LRRTM4: variants seen among roughly 807,000 people sequenced by gnomAD.
LRRTM4 encodes leucine-rich repeat transmembrane neuronal protein 4.
In LRRTM4, 25 loss-of-function variants were observed where a neutral mutation model predicts 47.6. That is an observed-to-expected ratio of 0.53 (90% CI 0.38 to 0.73). LRRTM4 has a LOEUF of 0.73. LRRTM4 is among the 30% of genes least tolerant of loss of function. LRRTM4 has a pLI of 0.00. For synonymous variants in LRRTM4, 311 were observed against 269.5 expected (o/e 1.15, Z -1.51); for missense variants, 638 against 713.4 (o/e 0.89, Z 1.20).
At chr2:77,203,881 G>A (rs1170979336) in intron 3 of LRRTM4, among the ~76,000 whole-genome samples, 2 of 152,312 alleles carry the variant, frequency 1.3e-5, no homozygotes, top group East Asian at 3.9e-4. Context: ...ACTCAAGGCA[G>A]TGTTGTGGAT....
chr2:77,503,465 T>C (rs1678649756), intron 3 of LRRTM4, among the ~76,000 whole-genome samples: 2 of 151,714 alleles, frequency 1.3e-5, no homozygotes, highest in South Asian at 4.1e-4. Flanking sequence ...GACTTTAAGA[T>C]GTCTCAGATA....
intron 3 of LRRTM4, among the ~76,000 whole-genome samples, chr2:77,036,323 T>A (rs879528650): frequency 2.0e-5 from 3 of 151,776 alleles, no homozygotes; most frequent in Non-Finnish European, 4.4e-5. Context: ...ATTTTACAAT[T>A]TCATGGACTA....
At chr2:77,168,282 C>A (rs904550656) in intron 3 of LRRTM4, among the ~76,000 whole-genome samples, 1 of 151,900 alleles carries the variant, frequency 6.6e-6, no homozygotes, top group East Asian at 1.9e-4. Context: ...ATTTTTCTAA[C>A]ATATTTTAGA....
intron 3 of LRRTM4, among the ~76,000 whole-genome samples, chr2:76,754,148 A>G (rs775413994): frequency 3.3e-5 from 5 of 152,320 alleles, no homozygotes; most frequent in South Asian, 4.1e-4. Flanking sequence ...AAAGAATTCA[A>G]TGCAGTTGAA....
chr2:76,968,127 TGCAA>T (rs955942757), intron 3 of LRRTM4, among the ~76,000 whole-genome samples: 1 of 151,208 alleles, frequency 6.6e-6, no homozygotes, highest in African/African-American at 2.4e-5. Context: ...TTGATGCATA[TGCAA>T]GCATTCACTT....
intron 3 of LRRTM4, among the ~76,000 whole-genome samples, chr2:77,115,974 T>G (rs1418265009): frequency 6.6e-6 from 1 of 152,172 alleles, no homozygotes; most frequent in Non-Finnish European, 1.5e-5. Flanking sequence ...TCCTGAACCT[T>G]GTCTGCTTGG....
At chr2:77,008,113 A>G (rs1558794200) in intron 3 of LRRTM4, among the ~76,000 whole-genome samples, 1 of 152,210 alleles carries the variant, frequency 6.6e-6, no homozygotes, top group Non-Finnish European at 1.5e-5. Context: ...GGCCAGAGGC[A>G]TCAATGAAAG....
chr2:76,905,920 C>T (rs1186839834), intron 3 of LRRTM4, among the ~76,000 whole-genome samples: 1 of 152,156 alleles, frequency 6.6e-6, no homozygotes, highest in African/African-American at 2.4e-5. Flanking sequence ...GGAAAACACT[C>T]TGCAGGATAT....
chr2:77,303,273 A>G (rs553387497), intron 3 of LRRTM4, among the ~76,000 whole-genome samples: 5 of 147,198 alleles, frequency 3.4e-5, no homozygotes, highest in Admixed American at 6.7e-5. Flanking sequence ...AAACAAACAA[A>G]CAAACAAAAA....
chr2:76,844,058 A>G (rs2103944421), intron 3 of LRRTM4, among the ~76,000 whole-genome samples: 1 of 148,818 alleles, frequency 6.7e-6, no homozygotes, highest in African/African-American at 2.5e-5. Flanking sequence ...CCCACCAGCA[A>G]GCCCGGCTAA....
intron 3 of LRRTM4, among the ~76,000 whole-genome samples, chr2:77,336,552 G>T (rs1671175772): frequency 6.6e-6 from 1 of 152,050 alleles, no homozygotes; most frequent in South Asian, 2.1e-4. Flanking sequence ...TGAAATGCAA[G>T]GATGGTTCAA....
At chr2:77,021,083 G>T (rs2104103018) in intron 3 of LRRTM4, among the ~76,000 whole-genome samples, 1 of 149,656 alleles carries the variant, frequency 6.7e-6, no homozygotes, top group Middle Eastern at 3.4e-3. Flanking sequence ...CTGCAGGCAA[G>T]AAACTTCTCT....
chr2:77,207,193 A>C (rs562629530), intron 3 of LRRTM4, among the ~76,000 whole-genome samples: 149 of 145,856 alleles, frequency 1.0e-3, no homozygotes, highest in Admixed American at 2.2e-3. Context: ...CAAACAAAAA[A>C]CAAAATGAAA....
chr2:76,889,460 C>A (rs562527221), intron 3 of LRRTM4, among the ~76,000 whole-genome samples: 1 of 151,856 alleles, frequency 6.6e-6, no homozygotes, highest in East Asian at 1.9e-4. Context: ...AATAAAGTAT[C>A]CCTTCCTTCA....
At position 77,142,424 on chromosome 2, in the gene LRRTM4, C is replaced by A. The variant is rs923690686; in HGVS notation, c.1551+375894G>T. Among the ~76,000 whole-genome samples the A allele has an allele frequency of 5.9e-5, 7 of 118,500 alleles. No individual in the cohort carries two copies. In the South Asian group the frequency reaches 1.9e-3, roughly 32 times the overall value. The allele number at this position is 118,500 out of a possible 152,430, so 77.7% of individuals were successfully genotyped here. ...CTTTTTGCTGCTGCTTGTTACCACA[C>A]ACACATACACACACACACACACACA... is the stretch of plus-strand genomic sequence containing the variant. On this transcript the variant is annotated intron_variant, in intron 3 of 3. Coordinates refer to ENST00000409884, the MANE Select transcript of LRRTM4 (RefSeq NM_001134745.3).
intron 3 of LRRTM4, among the ~76,000 whole-genome samples, chr2:76,912,175 TC>T (rs1674090142): frequency 6.6e-6 from 1 of 152,100 alleles, no homozygotes; most frequent in African/African-American, 2.4e-5. Context: ...CGCCTCGGCC[TC>T]CCAAAGTGCT....
At chr2:77,222,607 A>G (rs530173472) in intron 3 of LRRTM4, among the ~76,000 whole-genome samples, 1 of 152,330 alleles carries the variant, frequency 6.6e-6, no homozygotes, top group South Asian at 2.1e-4. Context: ...GAAAATCTAG[A>G]AGAAATGGAT....
chr2:76,961,068 T>C (rs1675841526), intron 3 of LRRTM4, among the ~76,000 whole-genome samples: 1 of 151,550 alleles, frequency 6.6e-6, no homozygotes, highest in Non-Finnish European at 1.5e-5. Flanking sequence ...ATAATGTAAA[T>C]ATATTAACTC....
intron 3 of LRRTM4, among the ~76,000 whole-genome samples, chr2:76,905,921 T>C (rs1673818280): frequency 6.6e-6 from 1 of 152,130 alleles, no homozygotes; most frequent in Non-Finnish European, 1.5e-5. Flanking sequence ...GAAAACACTC[T>C]GCAGGATATT....
Sources: allele counts gnomAD v4.1 joint callset (sites outside exome capture counted in the v4.1 genomes callset), GRCh38; gene constraint gnomAD v4.1.1; transcripts MANE v1.5; gene names NCBI Gene and HGNC (gene_info 2026-07-23, HGNC 2026-07-21).